The following FAM117B variants were observed in gnomAD, a reference collection of about 807,000 sequenced individuals.
The protein encoded by FAM117B is protein FAM117B.
FAM117B carries 22 observed loss-of-function variants against 52.8 expected under a neutral mutation model. The ratio of observed to expected loss-of-function variants is 0.42; its 90% CI spans 0.30 to 0.59. FAM117B has a LOEUF of 0.59. Among genes scored for constraint, FAM117B ranks in the 20% least tolerant of loss-of-function variants. The pLI is 0.22. For missense variants in FAM117B, 678 were observed against 802.6 expected (o/e 0.84, Z 1.88); for synonymous variants, 309 against 324.1 (o/e 0.95, Z 0.50).
chr2:202,661,932 A>G (rs1690134529), intron 1 of FAM117B, among the ~76,000 whole-genome samples: 1 of 151,946 alleles, frequency 6.6e-6, no homozygotes, highest in Non-Finnish European at 1.5e-5. Flanking sequence ...AAAAAAAAAA[A>G]AAAAAAGATC....
At chr2:202,724,000 T>C (rs1406886757) in intron 2 of FAM117B, among the ~76,000 whole-genome samples, 1 of 151,338 alleles carries the variant, frequency 6.6e-6, no homozygotes, top group African/African-American at 2.4e-5. Flanking sequence ...GTATTTTCTT[T>C]CCCAATACAC....
chr2:202,636,886 T>C (rs1689695335), intron 1 of FAM117B, among the ~76,000 whole-genome samples: 1 of 152,234 alleles, frequency 6.6e-6, no homozygotes, highest in Non-Finnish European at 1.5e-5. Context: ...TAGAGAGAAT[T>C]GCCCTGGAAA....
At chr2:202,643,179 G>A (rs1052361771) in intron 1 of FAM117B, among the ~76,000 whole-genome samples, 1 of 152,160 alleles carries the variant, frequency 6.6e-6, no homozygotes, top group Admixed American at 6.5e-5. Context: ...TGGGTGAAGG[G>A]TGTGCTTAAG....
rs78404907 is a variant in FAM117B, at chr2:202,652,572, T to C, written c.601+16784T>C. On this transcript the variant is annotated intron_variant, in intron 1 of 7. Coordinates refer to ENST00000392238, the MANE Select transcript of FAM117B (RefSeq NM_173511.4). Reference sequence around the variant, plus strand: ...GTAGTATTACCGAAAAGAGTAGTACTTCATGACAAAAGCCTGATATGGCCG... The same window carrying C: ...GTAGTATTACCGAAAAGAGTAGTACCTCATGACAAAAGCCTGATATGGCCG... 8.5e-3 allele frequency among the ~76,000 whole-genome samples: 1,292 copies of C among 152,310 alleles called. 24 individuals are homozygous for C. The highest frequency in any genetic ancestry group is 0.029 in the African/African-American group (1,221 of 41,546).
chr2:202,750,510 C>T (rs768895851), intron 4 of FAM117B, among the ~76,000 whole-genome samples: 5 of 152,172 alleles, frequency 3.3e-5, no homozygotes, highest in Non-Finnish European at 7.3e-5. Flanking sequence ...GAGACCCTGT[C>T]TCAAACAACA....
At chr2:202,755,311 G>A (rs140372978) in intron 4 of FAM117B, among the ~76,000 whole-genome samples, 119 of 152,258 alleles carry the variant, frequency 7.8e-4, no homozygotes, top group African/African-American at 2.6e-3. Flanking sequence ...CTTTGCAGTC[G>A]TTCACAGATG....
intron 1 of FAM117B, among the ~76,000 whole-genome samples, chr2:202,639,109 C>T (rs1404780252): frequency 6.6e-6 from 1 of 152,186 alleles, no homozygotes; most frequent in Non-Finnish European, 1.5e-5. Flanking sequence ...GTAAAAATCC[C>T]TACCGTAAAG....
Position 202,765,389 on chromosome 2 carries a change from T to A in FAM117B, c.1452-57T>A, listed in dbSNP as rs557876638. The A allele has an allele frequency of 4.8e-4, 700 of 1,455,940 alleles. 4 individuals are homozygous for A. The Middle Eastern group carries it at 4.9e-3, about 10-fold the overall frequency. The allele number at this position is 1,455,940 out of a possible 1,614,324, so 90.2% of individuals were successfully genotyped here. On this transcript the variant is annotated intron_variant, in intron 7 of 7. Transcript: ENST00000392238. ...GAGCTTGTTTCCAAGCTTTTTTTTT[T>A]TTTTATTTTTTAAGTTCAGTGACTT...
In FAM117B at chr2:202,765,814, A is replaced by G; in HGVS notation, c.*50A>G. The G allele has an allele frequency of 2.6e-6, 4 of 1,563,242 alleles. No individual in the cohort carries two copies. The highest frequency in any genetic ancestry group is 3.5e-6 in the Non-Finnish European group (4 of 1,146,854). On this transcript the variant is annotated 3_prime_UTR_variant, in exon 8 of 8. Transcript: ENST00000392238. The stretch of plus-strand genomic sequence containing the variant: ...TCTGGGAAATTGGGAACCTCCTCAG[A>G]TCACTGGATTCTGATGGCATCGTGC...
At chr2:202,740,389 T>G (rs1199576792) in intron 4 of FAM117B, among the ~76,000 whole-genome samples, 1 of 150,406 alleles carries the variant, frequency 6.6e-6, no homozygotes, top group Non-Finnish European at 1.5e-5. Context: ...AAGTATTTAA[T>G]TTTTATCATG....
At position 202,701,469 on chromosome 2, in the gene FAM117B, C is replaced by T. The variant is rs919412385; in HGVS notation, c.753+5437C>T. Among the ~76,000 whole-genome samples, 23 of 152,260 alleles carry T rather than the reference C, an allele frequency of 1.5e-4. No individual in the cohort carries two copies. In the East Asian group the frequency reaches 4.4e-3, roughly 29 times the overall value. The stretch of plus-strand genomic sequence containing the variant: ...GTTCCAAGAAATAATTTTGACTTTC[C>T]AGTCTTATTATTAAGAAAATACATT... On this transcript the variant is annotated intron_variant, in intron 2 of 7. Coordinates refer to ENST00000392238, the MANE Select transcript of FAM117B (RefSeq NM_173511.4).
intron 2 of FAM117B, among the ~76,000 whole-genome samples, chr2:202,704,050 C>CT (rs1574562548): frequency 1.3e-5 from 2 of 152,190 alleles, no homozygotes; most frequent in East Asian, 3.8e-4. Flanking sequence ...CCCCATATAA[C>CT]TAATGGTGCT....
At chr2:202,686,959 T>C (rs1446590970) in intron 1 of FAM117B, among the ~76,000 whole-genome samples, 1 of 152,182 alleles carries the variant, frequency 6.6e-6, no homozygotes, top group Non-Finnish European at 1.5e-5. Flanking sequence ...CATGCACTAA[T>C]GGAGTCTGAG....
intron 1 of FAM117B, among the ~76,000 whole-genome samples, chr2:202,644,156 C>T (rs1047580134): frequency 4.8e-5 from 7 of 146,872 alleles, no homozygotes; most frequent in Non-Finnish European, 8.9e-5. Flanking sequence ...ACCATCCTAC[C>T]GAATCCTTCC....
At position 202,635,044 on chromosome 2, in the gene FAM117B, G is replaced by T; in HGVS notation, c.-144G>T. The stretch of plus-strand genomic sequence containing the variant: ...GCACCACCTCGTTGCTGCCTGCCCC[G>T]GCCCGGTCTCCCCCTGCACCCCGGA... On this transcript the variant is annotated 5_prime_UTR_variant, in exon 1 of 8. Transcript: ENST00000392238. 2 of 1,077,024 alleles carry T rather than the reference G, an allele frequency of 1.9e-6. No homozygotes were observed. The highest frequency in any genetic ancestry group is 2.3e-6 in the Non-Finnish European group (2 of 853,224). The allele number at this position is 1,077,024 out of a possible 1,614,324, so 66.7% of individuals were successfully genotyped here. A position where few individuals can be genotyped will look rare whatever the true frequency, so the allele number is the denominator to read the frequency against.
chr2:202,728,572 T>C (rs1183945522), intron 4 of FAM117B, among the ~76,000 whole-genome samples: 1 of 152,206 alleles, frequency 6.6e-6, no homozygotes, highest in Non-Finnish European at 1.5e-5. Context: ...CTCTCATTCA[T>C]TCATAAATAA....
intron 1 of FAM117B, among the ~76,000 whole-genome samples, chr2:202,685,209 TC>T (rs1422286700): frequency 6.6e-6 from 1 of 152,108 alleles, no homozygotes; most frequent in Admixed American, 6.5e-5. Flanking sequence ...GGTTTTGAAC[TC>T]CCGACTTCAA....
At chr2:202,660,744 A>G (rs1412000267) in intron 1 of FAM117B, among the ~76,000 whole-genome samples, 1 of 152,214 alleles carries the variant, frequency 6.6e-6, no homozygotes, top group Non-Finnish European at 1.5e-5. Flanking sequence ...CTAGACCAAG[A>G]TGGTGACAGA....
chr2:202,725,944 G>A (rs1372989324), intron 3 of FAM117B, among the ~76,000 whole-genome samples: 1 of 152,126 alleles, frequency 6.6e-6, no homozygotes, highest in Non-Finnish European at 1.5e-5. Context: ...TATGGTAAAG[G>A]CAATGAGAAT....
Sources: allele counts gnomAD v4.1 joint callset (sites outside exome capture counted in the v4.1 genomes callset), GRCh38; gene constraint gnomAD v4.1.1; transcripts MANE v1.5; gene names NCBI Gene and HGNC (gene_info 2026-07-23, HGNC 2026-07-21).